The following KCND3 variants were observed in gnomAD, a reference collection of about 807,000 sequenced individuals.
KCND3 encodes the protein potassium voltage-gated channel subfamily D member 3, also known as A-type voltage-gated potassium channel KCND3.
KCND3 carries 9 observed loss-of-function variants against 51.1 expected under a neutral mutation model. The ratio of observed to expected loss-of-function variants is 0.18; its 90% CI spans 0.11 to 0.31. The LOEUF is 0.31. Ranked by LOEUF, KCND3 falls within the 10% of genes least tolerant of loss-of-function variation. The probability of loss-of-function intolerance (pLI) is 1.00; values close to 1 mark genes in which losing one functional copy is unlikely to be tolerated. For synonymous variants in KCND3, 349 were observed against 368.0 expected, an observed-to-expected ratio of 0.95 and a Z score of 0.59; for missense variants, 526 against 903.8, an observed-to-expected ratio of 0.58 and a Z score of 5.36.
chr1:111,823,784 C>T (rs918646981), intron 2 of KCND3, among the ~76,000 whole-genome samples: 1 of 152,102 alleles, frequency 6.6e-6, no homozygotes, highest in African/African-American at 2.4e-5. Flanking sequence ...GTTAGCAGCC[C>T]AGGCAGAACT....
intron 2 of KCND3, among the ~76,000 whole-genome samples, chr1:111,870,603 T>C (rs1030717420): frequency 1.3e-5 from 2 of 152,124 alleles, no homozygotes; most frequent in Non-Finnish European, 2.9e-5. Context: ...AAGAGAGCTT[T>C]GATCTGTGCA....
At chr1:111,940,441 A>G (rs1672461917) in intron 2 of KCND3, among the ~76,000 whole-genome samples, 1 of 152,182 alleles carries the variant, frequency 6.6e-6, no homozygotes, top group Non-Finnish European at 1.5e-5. Context: ...AGTTTTCTGC[A>G]TATGGCTAGC....
At chr1:111,818,934 T>C (rs751619666) in intron 2 of KCND3, among the ~76,000 whole-genome samples, 4 of 152,238 alleles carry the variant, frequency 2.6e-5, no homozygotes, top group Non-Finnish European at 5.9e-5. Flanking sequence ...CCCTGCCTTA[T>C]CTTTTCTCTC....
chr1:111,930,961 G>C (rs780957697), intron 2 of KCND3, among the ~76,000 whole-genome samples: 1 of 152,184 alleles, frequency 6.6e-6, no homozygotes, highest in Non-Finnish European at 1.5e-5. Context: ...GGGAGAGGTG[G>C]GTTCTTTATC....
At chr1:111,827,808 G>A (rs1228007810) in intron 2 of KCND3, among the ~76,000 whole-genome samples, 1 of 152,134 alleles carries the variant, frequency 6.6e-6, no homozygotes, top group Non-Finnish European at 1.5e-5. Context: ...TCTCCCTCCT[G>A]CTCCAGGATA....
intron 2 of KCND3, among the ~76,000 whole-genome samples, chr1:111,819,363 AT>A (rs1352417484): frequency 3.3e-5 from 5 of 151,822 alleles, no homozygotes; most frequent in Non-Finnish European, 7.4e-5. Context: ...TGGAATTCAG[AT>A]TAGAGATGTG....
chr1:111,851,589 T>C (rs955443844), intron 2 of KCND3, among the ~76,000 whole-genome samples: 1 of 152,252 alleles, frequency 6.6e-6, no homozygotes, highest in Admixed American at 6.5e-5. Context: ...CAAACCTCTG[T>C]AAACATGCCT....
chr1:111,857,040 A>ACTC (rs1668107375), intron 2 of KCND3: 1 of 151,940 alleles, frequency 6.6e-6, no homozygotes, highest in Non-Finnish European at 1.5e-5. Context: ...CTTTGTGGCC[A>ACTC]CTCCTCCTCC....
chr1:111,989,307 C>T (rs929804114), intron 1 of KCND3, among the ~76,000 whole-genome samples, 198 bp downstream of exon 1: 2 of 152,090 alleles, frequency 1.3e-5, no homozygotes, highest in Non-Finnish European at 2.9e-5. Context: ...CTCCACAGCC[C>T]GAGGGAACCG....
At chr1:111,945,311 A>G (rs1380270157) in intron 2 of KCND3, among the ~76,000 whole-genome samples, 2 of 152,214 alleles carry the variant, frequency 1.3e-5, no homozygotes, top group African/African-American at 4.8e-5. Context: ...TTCATGGAAG[A>G]CAAATTCACA....
chr1:111,788,142 G>C (rs1571638137), intron 2 of KCND3, among the ~76,000 whole-genome samples: 1 of 152,240 alleles, frequency 6.6e-6, no homozygotes, highest in East Asian at 1.9e-4. Context: ...ATGCAGGCCA[G>C]AGCCTCTGTC....
chr1:111,855,617 A>C (rs1668030151), intron 2 of KCND3, among the ~76,000 whole-genome samples: 1 of 152,182 alleles, frequency 6.6e-6, no homozygotes. Context: ...CTTGGGGCAT[A>C]GGTCAGAGTC....
intron 2 of KCND3, among the ~76,000 whole-genome samples, chr1:111,880,088 C>G (rs1456798161): frequency 2.0e-5 from 3 of 152,214 alleles, no homozygotes; most frequent in East Asian, 3.8e-4. Flanking sequence ...GCTATATACA[C>G]TTTAGCCATT....
intron 2 of KCND3, among the ~76,000 whole-genome samples, chr1:111,938,300 G>C (rs925906856): frequency 6.6e-6 from 1 of 152,148 alleles, no homozygotes; most frequent in Admixed American, 6.5e-5. Context: ...TATTCAACCT[G>C]CATTGAGTGT....
chr1:111,927,958 A>T (rs2004991), intron 2 of KCND3, among the ~76,000 whole-genome samples: 59,888 of 151,356 alleles, frequency 0.4, 12,048 homozygotes, highest in African/African-American at 0.46. Context: ...CTCCCTCAGC[A>T]TTTTGAGGTC....
At chr1:111,967,026 G>A (rs969131138) in intron 2 of KCND3, among the ~76,000 whole-genome samples, 1 of 151,904 alleles carries the variant, frequency 6.6e-6, no homozygotes, top group African/African-American at 2.4e-5. Flanking sequence ...TGTAATCCCA[G>A]CTACTTGGGA....
intron 2 of KCND3, among the ~76,000 whole-genome samples, chr1:111,937,319 C>A (rs1672270040): frequency 6.6e-6 from 1 of 152,036 alleles, no homozygotes; most frequent in South Asian, 2.1e-4. Context: ...CTCTGGCCAC[C>A]CCAGGCAACC....
chr1:111,874,968 C>G (rs1262039961), intron 2 of KCND3, among the ~76,000 whole-genome samples: 1 of 152,244 alleles, frequency 6.6e-6, no homozygotes, highest in Non-Finnish European at 1.5e-5. Context: ...AAGGCAAACT[C>G]ACATGAATTC....
At chr1:111,865,939 C>G (rs1668542550) in intron 2 of KCND3, among the ~76,000 whole-genome samples, 1 of 152,182 alleles carries the variant, frequency 6.6e-6, no homozygotes, top group Non-Finnish European at 1.5e-5. Context: ...CTCCTGGGCT[C>G]AAGTGATCTG....
Sources: gnomAD v4.1 joint callset for allele counts (sites outside exome capture counted in the v4.1 genomes callset) on GRCh38, gnomAD v4.1.1 for gene constraint, MANE v1.5 for transcripts, NCBI Gene and HGNC (gene_info 2026-07-23, HGNC 2026-07-21) for gene names.